ZNF454: variants seen among roughly 807,000 people sequenced by gnomAD.
The protein encoded by ZNF454 is zinc finger protein 454.
ZNF454 carries 30 observed loss-of-function variants against 48.2 expected under a neutral mutation model. The observed-to-expected ratio is 0.62, with a 90% confidence interval of 0.47 to 0.84. The LOEUF (loss-of-function observed/expected upper bound fraction) is 0.84, where lower values mean the gene tolerates loss of function less well. Ranked by LOEUF, ZNF454 falls within the 40% of genes least tolerant of loss-of-function variation. The pLI is 0.00. For missense variants in ZNF454, 510 were observed against 623.1 expected (o/e 0.82, Z 1.93); for synonymous variants, 204 against 211.4 (o/e 0.97, Z 0.30).
intron 4 of ZNF454, among the ~76,000 whole-genome samples, chr5:178,949,607 CT>C (rs969114292): frequency 2.0e-5 from 3 of 151,186 alleles, no homozygotes; most frequent in Non-Finnish European, 3.0e-5. Context: ...GTTTCATTTC[CT>C]TTTTTTTGTT....
chr5:178,984,382 C>T, the ZNF454 span, among the ~76,000 whole-genome samples: 387 of 152,310 alleles, frequency 2.5e-3, 6 homozygotes, highest in South Asian at 0.01. Context: ...GCCCCATGGC[C>T]GGCGCACTGG....
chr5:178,983,079 C>T, the ZNF454 span: 48 of 1,614,172 alleles, frequency 3.0e-5, 2 homozygotes, highest in South Asian at 5.1e-4. Flanking sequence ...GAGGCTGTAG[C>T]CCAGGCAGCC....
At chr5:178,976,077 A>G in the ZNF454 span, 2 of 447,268 alleles carry the variant, frequency 4.5e-6, no homozygotes, top group African/African-American at 4.0e-5. Context: ...CACCAGGCCG[A>G]CCCCTGCCCT....
chr5:178,956,737 T>C (rs1036020188), intron 4 of ZNF454, among the ~76,000 whole-genome samples: 52 of 151,314 alleles, frequency 3.4e-4, no homozygotes, highest in Non-Finnish European at 6.3e-4. Flanking sequence ...ACGGAGTCTC[T>C]CTCTGTCACT....
chr5:178,954,242 G>A (rs1340422532), intron 4 of ZNF454, among the ~76,000 whole-genome samples: 2 of 152,064 alleles, frequency 1.3e-5, no homozygotes, highest in African/African-American at 2.4e-5. Flanking sequence ...TGGCTGGAGT[G>A]CCAGGCTGGA....
At chr5:178,981,555 G>A in the ZNF454 span, 1 of 907,018 alleles carries the variant, frequency 1.1e-6, no homozygotes, top group Non-Finnish European at 1.7e-6. The surrounding 1 kb of genome is among the most constrained non-coding windows in gnomAD (Gnocchi z 5.1). Context: ...CAAACTCCCT[G>A]CCACTGACTG....
chr5:178,976,186 C>A, the ZNF454 span: 1 of 428,148 alleles, frequency 2.3e-6, no homozygotes, highest in Non-Finnish European at 4.8e-6. Flanking sequence ...TACTGGATTG[C>A]CCTATTCAAA....
At chr5:178,986,342 T>A in the ZNF454 span, 3 of 1,613,912 alleles carry the variant, frequency 1.9e-6, no homozygotes, top group Admixed American at 5.0e-5. Context: ...ATGAGGAAGG[T>A]GATGGCGTAG....
the ZNF454 span, chr5:178,986,152 G>A: frequency 6.2e-7 from 1 of 1,613,842 alleles, no homozygotes; most frequent in Non-Finnish European, 8.5e-7. Context: ...GAGGCTGAAG[G>A]TGATGACCAG....
At chr5:178,989,211 A>AACCCCCCCCCCCCCCC in the ZNF454 span, 2 of 121,740 alleles carry the variant, frequency 1.6e-5, no homozygotes, top group Non-Finnish European at 2.6e-5. Context: ...CCCCCTCCCC[A>AACCCCCCCCCCCCCCC]CCCTCACCAC....
chr5:178,979,306 A>G, the ZNF454 span: 1 of 152,260 alleles, frequency 6.6e-6, no homozygotes, highest in African/African-American at 2.4e-5. Flanking sequence ...CCGAGTGTGG[A>G]AAAGCCCTCT....
chr5:178,945,604 TA>T (rs552431118), intron 2 of ZNF454, among the ~76,000 whole-genome samples: 62 of 146,846 alleles, frequency 4.2e-4, no homozygotes, highest in Admixed American at 4.1e-3. Context: ...TCTCTGTGTG[TA>T]GGGGGTGTGG....
intron 2 of ZNF454, among the ~76,000 whole-genome samples, chr5:178,943,482 T>A (rs115019648): frequency 0.018 from 2,781 of 151,976 alleles, 100 homozygotes; most frequent in African/African-American, 0.064. Flanking sequence ...AGGCCCCCCC[T>A]CCAACATTGG....
At chr5:178,987,996 G>T in the ZNF454 span, among the ~76,000 whole-genome samples, 1 of 151,906 alleles carries the variant, frequency 6.6e-6, no homozygotes, top group African/African-American at 2.4e-5. Context: ...CTGACCTCAA[G>T]TGATCCACCT....
At position 178,950,387 on chromosome 5, in the gene ZNF454, C is replaced by A. The variant is rs551400127; in HGVS notation, c.250+3401C>A. Among the ~76,000 whole-genome samples the A allele has an allele frequency of 1.1e-4, 16 of 152,260 alleles. No individual in the cohort carries two copies. The South Asian group carries it at 3.3e-3, about 32-fold the overall frequency. On this transcript the variant is annotated intron_variant, in intron 4 of 4. Coordinates refer to ENST00000519564, the MANE Select transcript of ZNF454 (RefSeq NM_001178089.3). ...GAGGCAAGGATGACTGACTCCACTT[C>A]GCAGAAAATGGAGCCTCAACTGCTG... is the stretch of plus-strand genomic sequence containing the variant.
At chr5:178,952,588 G>A (rs1165704020) in intron 4 of ZNF454, among the ~76,000 whole-genome samples, 1 of 152,016 alleles carries the variant, frequency 6.6e-6, no homozygotes, top group Admixed American at 6.6e-5. Context: ...TTGTCTTTAT[G>A]ATCTTTATTC....
the ZNF454 span, chr5:178,989,183 A>C: frequency 6.3e-7 from 1 of 1,590,670 alleles, no homozygotes; most frequent in Non-Finnish European, 8.6e-7. Flanking sequence ...CCATGCACCG[A>C]ACCCGGCCTC....
At chr5:178,985,564 G>T in the ZNF454 span, 8 of 337,810 alleles carry the variant, frequency 2.4e-5, no homozygotes, top group Admixed American at 2.4e-4. Context: ...TTAGCCGGGC[G>T]TGGTGGCGGG....
At chr5:178,963,572 G>C (rs1028818929) in intron 4 of ZNF454, among the ~76,000 whole-genome samples, 2 of 151,710 alleles carry the variant, frequency 1.3e-5, no homozygotes, top group Non-Finnish European at 2.9e-5. Context: ...TGCATCGTCT[G>C]TGTTTGGAAT....
Sources: allele counts gnomAD v4.1 joint callset (sites outside exome capture counted in the v4.1 genomes callset), GRCh38; gene constraint gnomAD v4.1.1; non-coding constraint Gnocchi (gnomAD v3.1); transcripts MANE v1.5; gene names NCBI Gene and HGNC (gene_info 2026-07-23, HGNC 2026-07-21).